Variants in PCCB observed in about 807,000 individuals in gnomAD.
PCCB encodes the protein propionyl-CoA carboxylase beta chain, mitochondrial.
PCCB carries 43 observed loss-of-function variants against 60.7 expected under a neutral mutation model. The ratio of observed to expected loss-of-function variants is 0.71; its 90% CI spans 0.55 to 0.91. The LOEUF (loss-of-function observed/expected upper bound fraction) is 0.91. Among genes scored for constraint, PCCB ranks in the 40% least tolerant of loss-of-function variants. The pLI is 0.00. For synonymous variants in PCCB, 276 were observed against 255.9 expected, an observed-to-expected ratio of 1.08 and a Z score of -0.75; for missense variants, 766 against 702.8, an observed-to-expected ratio of 1.09 and a Z score of -1.02.
At chr3:136,292,182 T>C (rs1933723597) in intron 6 of PCCB, among the ~76,000 whole-genome samples, 2 of 152,124 alleles carry the variant, frequency 1.3e-5, no homozygotes, top group South Asian at 4.1e-4. Flanking sequence ...AGAAGGAGTA[T>C]CAACTTTTAG....
At chr3:136,287,519 G>T (rs1933473708) in intron 6 of PCCB, among the ~76,000 whole-genome samples, 1 of 151,470 alleles carries the variant, frequency 6.6e-6, no homozygotes, top group Non-Finnish European at 1.5e-5. Context: ...TGGAACCTTT[G>T]CCTCCTCGGT....
chr3:136,317,205 A>C, intron 10 of PCCB, 141 bp downstream of exon 10: 1 of 603,118 alleles, frequency 1.7e-6, no homozygotes, highest in Non-Finnish European at 2.7e-6. Flanking sequence ...GGTTGTTATA[A>C]AAGCTAATTT....
rs555581503 is a variant in PCCB at position 136,306,669 on chromosome 3, C to G, written c.966+5558C>G. 2.5e-5 allele frequency among the ~76,000 whole-genome samples: 3 copies of G among 121,418 alleles called. 1 individual carries two copies. Among genetic ancestry groups the G allele is most frequent in the Admixed American group, 2.0e-4 (2 of 10,138 alleles). The allele number at this position is 121,418 out of a possible 152,430, so 79.7% of individuals were successfully genotyped here. On this transcript the variant is annotated intron_variant, in intron 9 of 14. Transcript: ENST00000251654. ...TAAAATAGTACAGATACCTTTAATA[C>G]AATTATTGGTTATATTGTCACATCT...
At chr3:136,287,980 A>G (rs540387528) in intron 6 of PCCB, among the ~76,000 whole-genome samples, 103 of 152,358 alleles carry the variant, frequency 6.8e-4, no homozygotes, top group Non-Finnish European at 1.3e-3. Context: ...GGTTGCAGCC[A>G]GCAATTTGAG....
intron 5 of PCCB, among the ~76,000 whole-genome samples, chr3:136,280,379 C>T (rs1456791404): frequency 1.3e-5 from 2 of 152,176 alleles, no homozygotes; most frequent in East Asian, 1.9e-4. Flanking sequence ...CAGAGTTTTG[C>T]TCTGTTGCCC....
intron 9 of PCCB, 127 bp downstream of exon 9, chr3:136,301,238 G>A (rs1934267495): frequency 2.7e-6 from 2 of 752,858 alleles, no homozygotes; most frequent in South Asian, 1.4e-5. Flanking sequence ...CGGGAATAGG[G>A]TGGGCACAGG....
chr3:136,298,064 C>T lies in PCCB; in HGVS notation c.876C>T (p.His292=), dbSNP rs776893713. ...SQDPAPVREC[H]DPSDRLVPEL... ...ACCCGGCTCCCGTCCGTGAGTGCCACGATCCCAGGTGGGTTGTAGGCCGGT... is the reference window on the plus strand; with the variant it reads ...ACCCGGCTCCCGTCCGTGAGTGCCATGATCCCAGGTGGGTTGTAGGCCGGT... The change falls in exon 8 of 15, where the codon CAC becomes CAT. Residue 292 remains histidine, a synonymous_variant. Coordinates refer to ENST00000251654, the MANE Select transcript of PCCB (RefSeq NM_000532.5). 5.0e-6 allele frequency: 8 copies of T among 1,614,146 alleles called. No individual in the cohort carries two copies. Among genetic ancestry groups the T allele is most frequent in the Middle Eastern group, 1.6e-4 (1 of 6,062 alleles).
chr3:136,260,517 T>A lies in PCCB; in HGVS notation c.411T>A (p.His137Gln). The change falls in exon 4 of 15, where the codon CAT (histidine) becomes CAA (glutamine). Residue 137 changes from histidine to glutamine, a missense_variant. By Grantham distance (24) the His-to-Gln change is conservative. Transcript: ENST00000251654. ...TTGGAGGCAGTCTGTCAGGAGCACA[T>A]GCCCAAAAGATCTGCAAAGTAAGTG... ...TVFGGSLSGA[H>Q]AQKICKIMDQ... 1 of 1,613,544 alleles carries A rather than the reference T, an allele frequency of 6.2e-7. No homozygotes were observed. The highest frequency in any genetic ancestry group is 1.1e-5 in the South Asian group (1 of 91,008).
intron 10 of PCCB, among the ~76,000 whole-genome samples, chr3:136,322,870 A>G (rs1935156102): frequency 6.6e-6 from 1 of 152,178 alleles, no homozygotes; most frequent in African/African-American, 2.4e-5. Flanking sequence ...TTTGCCAGAT[A>G]TAGAATTCTT....
At chr3:136,299,856 A>ATATG (rs1015623219) in intron 8 of PCCB, among the ~76,000 whole-genome samples, 6 of 151,542 alleles carry the variant, frequency 4.0e-5, no homozygotes, top group Non-Finnish European at 7.4e-5. Context: ...ATATGCATGC[A>ATATG]TATGTATGTA....
intron 10 of PCCB, among the ~76,000 whole-genome samples, chr3:136,322,323 A>G (rs975431214): frequency 1.3e-5 from 2 of 152,130 alleles, no homozygotes; most frequent in Admixed American, 6.6e-5. Context: ...CCTGGTTTTG[A>G]TGTGTAATTC....
At chr3:136,253,325 G>T (rs113375712) in intron 1 of PCCB, among the ~76,000 whole-genome samples, 1 of 151,572 alleles carries the variant, frequency 6.6e-6, no homozygotes, top group Admixed American at 6.6e-5. Context: ...TCCTGACCTC[G>T]TGATCCGTCT....
intron 5 of PCCB, among the ~76,000 whole-genome samples, chr3:136,283,608 G>T (rs767685771): frequency 3.3e-5 from 5 of 152,086 alleles, no homozygotes; most frequent in Non-Finnish European, 7.3e-5. Flanking sequence ...GGAGGGGAGG[G>T]GAGAGAAAAT....
chr3:136,274,800 G>A (rs1463069579), intron 5 of PCCB, among the ~76,000 whole-genome samples: 1 of 151,320 alleles, frequency 6.6e-6, no homozygotes, highest in African/African-American at 2.4e-5. Flanking sequence ...CATATTTCTT[G>A]GAAGCTTTGT....
intron 5 of PCCB, among the ~76,000 whole-genome samples, chr3:136,274,022 A>G (rs970737770): frequency 4.1e-5 from 6 of 147,156 alleles, no homozygotes; most frequent in Non-Finnish European, 4.5e-5. Context: ...ATGAATCCTT[A>G]TGTGTTAGAT....
intron 6 of PCCB, among the ~76,000 whole-genome samples, chr3:136,291,751 T>A (rs1933702124): frequency 2.0e-5 from 3 of 152,224 alleles, no homozygotes; most frequent in African/African-American, 7.2e-5. Context: ...GAGAAGACCC[T>A]GTTAAGAATG....
At chr3:136,290,939 C>T (rs1486636898) in intron 6 of PCCB, among the ~76,000 whole-genome samples, 1 of 151,616 alleles carries the variant, frequency 6.6e-6, no homozygotes, top group South Asian at 2.1e-4. Flanking sequence ...AGTGGTTTCT[C>T]TTGAGATATC....
At chr3:136,252,104 A>G (rs1407152063) in intron 1 of PCCB, among the ~76,000 whole-genome samples, 3 of 151,720 alleles carry the variant, frequency 2.0e-5, no homozygotes, top group Admixed American at 1.3e-4. Context: ...CCGGTCTTGT[A>G]CGCCTGACCT....
intron 9 of PCCB, among the ~76,000 whole-genome samples, chr3:136,316,086 G>T (rs1372371056): frequency 6.6e-6 from 1 of 151,852 alleles, no homozygotes; most frequent in Non-Finnish European, 1.5e-5. Flanking sequence ...GAGCATGGTG[G>T]TGCACAGCTG....
Sources: gnomAD v4.1 joint callset for allele counts (sites outside exome capture counted in the v4.1 genomes callset) on GRCh38, gnomAD v4.1.1 for gene constraint, MANE v1.5 for transcripts, NCBI Gene and HGNC (gene_info 2026-07-23, HGNC 2026-07-21) for gene names.